The following PDZRN3 variants were observed in gnomAD, a reference collection of about 807,000 sequenced individuals.
The protein encoded by PDZRN3 is PDZ domain containing ring finger 3, also known as E3 ubiquitin-protein ligase PDZRN3.
Under a neutral mutation model 85.7 loss-of-function variants are expected in PDZRN3, and 38 were observed. The ratio of observed to expected loss-of-function variants is 0.44; its 90% CI spans 0.34 to 0.58. The LOEUF is 0.58. Ranked by LOEUF, PDZRN3 falls within the 20% of genes least tolerant of loss-of-function variation. The pLI, the probability that PDZRN3 is intolerant of heterozygous loss-of-function variation, is 0.01. For missense variants in PDZRN3, 1,629 were observed against 1,506.4 expected, an observed-to-expected ratio of 1.08 and a Z score of -1.35; for synonymous variants, 759 against 638.0, an observed-to-expected ratio of 1.19 and a Z score of -2.86.
intron 7 of PDZRN3, among the ~76,000 whole-genome samples, chr3:73,389,524 A>G (rs1284136948): frequency 6.6e-6 from 1 of 152,122 alleles, no homozygotes; most frequent in African/African-American, 2.4e-5. Flanking sequence ...GTTTGTTTTG[A>G]TCCAAACAGA....
chr3:73,416,899 T>TTTTTTG (rs1702101574), intron 3 of PDZRN3, among the ~76,000 whole-genome samples: 1 of 130,936 alleles, frequency 7.6e-6, no homozygotes. Context: ...TTTTTTTTTT[T>TTTTTTG]TTTTTTTTTT....
rs191460886 is a variant in PDZRN3 at position 73,546,470 on chromosome 3, G to C, written c.918+55884C>G. 4.4e-3 allele frequency among the ~76,000 whole-genome samples: 665 copies of C among 152,254 alleles called. 9 individuals carry two copies. Among genetic ancestry groups the C allele is most frequent in the African/African-American group, 0.015 (631 of 41,542 alleles). On this transcript the variant is annotated intron_variant, in intron 3 of 9. Transcript: ENST00000263666. ...ATAAAAGTACTGGCTTGTTCATTTT[G>C]AGAAATAAATGTAACCAAATAAGCC...
At chr3:73,416,744 C>A (rs1439742041) in intron 3 of PDZRN3, among the ~76,000 whole-genome samples, 5 of 152,164 alleles carry the variant, frequency 3.3e-5, no homozygotes, top group Non-Finnish European at 7.4e-5. Flanking sequence ...GTGGGGGAAG[C>A]TCTACCCACT....
rs530793271 is a variant in PDZRN3 at position 73,421,804 on chromosome 3, C to T, written c.919-17409G>A. 5.8e-4 allele frequency among the ~76,000 whole-genome samples: 89 copies of T among 152,206 alleles called. 1 individual carries two copies. The South Asian group carries it at 7.3e-3, about 12-fold the overall frequency. On this transcript the variant is annotated intron_variant, in intron 3 of 9. Coordinates refer to ENST00000263666, the MANE Select transcript of PDZRN3 (RefSeq NM_015009.3). Reference sequence around the variant, plus strand: ...CTGGGACTACAGGTGTGTGCCACCACGACCAGCTCTTTTTTTGTATTTTTA... The same window carrying T: ...CTGGGACTACAGGTGTGTGCCACCATGACCAGCTCTTTTTTTGTATTTTTA...
intron 3 of PDZRN3, among the ~76,000 whole-genome samples, chr3:73,551,320 C>T (rs1575729839): frequency 6.6e-6 from 1 of 152,034 alleles, no homozygotes; most frequent in East Asian, 1.9e-4. Context: ...GTCAATGTAG[C>T]AAAAAATCAT....
intron 5 of PDZRN3, among the ~76,000 whole-genome samples, chr3:73,392,565 A>G (rs920458038): frequency 1.1e-4 from 16 of 152,194 alleles, no homozygotes; most frequent in African/African-American, 3.9e-4. Context: ...CATGAGGCAC[A>G]CAAGAGCTCT....
rs149089422 is a variant in PDZRN3, at chr3:73,450,407, C to T, written c.919-46012G>A. Among the ~76,000 whole-genome samples the T allele has an allele frequency of 5.9e-4, 90 of 152,316 alleles. No homozygotes were observed. In the East Asian group the frequency reaches 0.016, roughly 27 times the overall value. The stretch of plus-strand genomic sequence containing the variant: ...GCAGATTGGCATCATAATCAATACA[C>T]ACACAAAATACAAAAGGTGTGGTAA... On this transcript the variant is annotated intron_variant, in intron 3 of 9. Transcript: ENST00000263666.
At chr3:73,415,126 G>A (rs1039678595) in intron 3 of PDZRN3, among the ~76,000 whole-genome samples, 1 of 152,182 alleles carries the variant, frequency 6.6e-6, no homozygotes, top group African/African-American at 2.4e-5. Flanking sequence ...TCCCTAGGAA[G>A]TTGACAGTCT....
At chr3:73,433,519 C>T in intron 3 of PDZRN3, 5 of 663,070 alleles carry the variant, frequency 7.5e-6, no homozygotes, top group Non-Finnish European at 1.3e-5. Context: ...AAGGCTGCGT[C>T]TTTCAGAACA....
intron 3 of PDZRN3, among the ~76,000 whole-genome samples, chr3:73,547,670 C>A (rs116082238): frequency 0.016 from 2,404 of 152,326 alleles, 33 homozygotes; most frequent in Non-Finnish European, 0.026. Flanking sequence ...TGAGCCCAAA[C>A]TCACTGTCAC....
chr3:73,578,386 G>T (rs568882109), intron 3 of PDZRN3, among the ~76,000 whole-genome samples: 4 of 152,170 alleles, frequency 2.6e-5, no homozygotes, highest in Non-Finnish European at 4.4e-5. Context: ...TAGCCAGGAT[G>T]GTCTCGATCT....
intron 1 of PDZRN3, chr3:73,621,650 G>GCTGAGGCCAGGCTGGGT (rs1185835548): frequency 6.6e-6 from 1 of 152,200 alleles, no homozygotes; most frequent in African/African-American, 2.4e-5. Context: ...TAAGGCCTCA[G>GCTGAGGCCAGGCTGGGT]CTGAGGCCAG....
rs567449398 is a variant in PDZRN3, at chr3:73,552,964, C to T, written c.918+49390G>A. Among the ~76,000 whole-genome samples the T allele has an allele frequency of 4.6e-5, 7 of 152,262 alleles. No homozygotes were observed. In the South Asian group the frequency reaches 1.5e-3, roughly 32 times the overall value. The stretch of plus-strand genomic sequence containing the variant: ...AACACAACCTACTACGTGCTCACCA[C>T]GGTGGCTGATTCCCTGGTGAGGAGA... On this transcript the variant is annotated intron_variant, in intron 3 of 9. Coordinates refer to ENST00000263666, the MANE Select transcript of PDZRN3 (RefSeq NM_015009.3).
At chr3:73,386,730 A>C (rs1025571164) in intron 8 of PDZRN3, among the ~76,000 whole-genome samples, 4 of 152,234 alleles carry the variant, frequency 2.6e-5, no homozygotes, top group African/African-American at 9.6e-5. Context: ...ACCCAAGTCA[A>C]ACATTTACTA....
At chr3:73,514,910 C>T (rs1055664490) in intron 3 of PDZRN3, among the ~76,000 whole-genome samples, 68 of 152,284 alleles carry the variant, frequency 4.5e-4, no homozygotes, top group African/African-American at 1.6e-3. Context: ...TCTATAAACC[C>T]ATTTTACAGA....
intron 3 of PDZRN3, among the ~76,000 whole-genome samples, chr3:73,406,074 T>C (rs1292504886): frequency 6.6e-6 from 1 of 151,644 alleles, no homozygotes; most frequent in Non-Finnish European, 1.5e-5. Context: ...AGTAATTTAT[T>C]TACATCACGA....
Position 73,384,364 on chromosome 3 carries a change from G to A in PDZRN3, c.2202C>T (p.Asp734=), listed in dbSNP as rs1208588926. 4 of 1,609,320 alleles carry A rather than the reference G, an allele frequency of 2.5e-6. No individual in the cohort carries two copies. The highest frequency in any genetic ancestry group is 4.5e-5 in the East Asian group (2 of 44,874). ...TATCTGAGAGCTCGTGTCTGCGCAC[G>A]TCGATGCTGGTGTTGTAGTTGCGGA... ...SGFRNYNTSI[D]VRRHELSDIT... Residue 734 remains aspartate (D), a synonymous_variant, in exon 10 of 10, where the codon GAC becomes GAT. Transcript: ENST00000263666.
intron 3 of PDZRN3, among the ~76,000 whole-genome samples, chr3:73,522,923 T>C (rs1704405471): frequency 6.6e-6 from 1 of 152,250 alleles, no homozygotes; most frequent in African/African-American, 2.4e-5. Context: ...ACCTCAATGA[T>C]GTGTGTCTAA....
intron 3 of PDZRN3, among the ~76,000 whole-genome samples, chr3:73,535,277 G>A (rs1704755402): frequency 6.6e-6 from 1 of 152,204 alleles, no homozygotes; most frequent in African/African-American, 2.4e-5. Context: ...TGTTATTGCA[G>A]CAGGGCTTAC....
Sources: allele counts gnomAD v4.1 joint callset (sites outside exome capture counted in the v4.1 genomes callset), GRCh38; gene constraint gnomAD v4.1.1; transcripts MANE v1.5; gene names NCBI Gene and HGNC (gene_info 2026-07-23, HGNC 2026-07-21).